Variants in CELF4 observed in about 807,000 individuals in gnomAD.
CELF4 encodes CUGBP Elav-like family member 4, also known as CUG-BP- and ETR-3-like factor 4.
In CELF4, 18 loss-of-function variants were observed where a neutral mutation model predicts 59.9. That is an observed-to-expected ratio of 0.30 (90% CI 0.21 to 0.45). The LOEUF is 0.45. Among genes scored for constraint, CELF4 ranks in the 20% least tolerant of loss-of-function variants. CELF4 has a pLI of 1.00. For missense variants in CELF4, 456 were observed against 689.0 expected, an observed-to-expected ratio of 0.66 and a Z score of 3.79; for synonymous variants, 261 against 267.1, an observed-to-expected ratio of 0.98 and a Z score of 0.22.
intron 2 of CELF4, among the ~76,000 whole-genome samples, chr18:37,393,878 T>G (rs1262935849): frequency 6.7e-6 from 1 of 148,158 alleles, no homozygotes; most frequent in Non-Finnish European, 1.5e-5. Flanking sequence ...TTTTTAATTT[T>G]AAGCAACACC....
At chr18:37,397,629 T>G (rs1022750545) in intron 2 of CELF4, among the ~76,000 whole-genome samples, 22 of 152,300 alleles carry the variant, frequency 1.4e-4, no homozygotes, top group African/African-American at 5.3e-4. Context: ...GCACAAGTCA[T>G]GCTGCCCAGA....
At chr18:37,274,756 T>C in intron 5 of CELF4, 49 bp downstream of exon 5, 1 of 1,513,986 alleles carries the variant, frequency 6.6e-7, no homozygotes, top group Non-Finnish European at 8.8e-7. Context: ...GGTGCTGGGG[T>C]CTCGGCCCGC....
In CELF4 at chr18:37,441,567, G is replaced by A. The variant is rs542003316; in HGVS notation, c.369+43958C>T. ...GAAAGAGTCAGGGTGGTTTGGCTGC[G>A]GCAGCCTAGTCCAGCCCCCATGGGG... On this transcript the variant is annotated intron_variant, in intron 2 of 12. Coordinates refer to ENST00000420428, the MANE Select transcript of CELF4 (RefSeq NM_020180.4). 7.9e-5 allele frequency among the ~76,000 whole-genome samples: 12 copies of A among 152,250 alleles called. No homozygotes were observed. The South Asian group carries it at 1.2e-3, about 16-fold the overall frequency.
At chr18:37,559,790 G>A (rs2099985986) in intron 1 of CELF4, among the ~76,000 whole-genome samples, 1 of 152,182 alleles carries the variant, frequency 6.6e-6, no homozygotes, top group Non-Finnish European at 1.5e-5. Context: ...TAATAATGAG[G>A]AGGAAGATGC....
Position 37,264,693 on chromosome 18 carries a change from G to C in CELF4, c.1230C>G (p.Ile410Met). The change falls in exon 10 of 13, where the codon ATC becomes ATG. Residue 410 changes from isoleucine to methionine, a missense_variant. Ile to Met is a conservative substitution (Grantham distance 10). Transcript: ENST00000420428. ...SQAFPQPPPMIPQQQREGPEG... is the reference protein window; with the variant it reads ...SQAFPQPPPMMPQQQREGPEG... ...ACTCACCTTCTCTCTGCTGCTGGGG[G>C]ATCATTGGAGGCGGCTGAGGAAAGG... The C allele has an allele frequency of 6.3e-7, 1 of 1,578,434 alleles. No homozygotes were observed. The highest frequency in any genetic ancestry group is 8.6e-7 in the Non-Finnish European group (1 of 1,161,258).
intron 3 of CELF4, 69 bp downstream of exon 3, chr18:37,321,734 T>TGCAGCAAG (rs1201799898): frequency 8.5e-7 from 1 of 1,173,450 alleles, no homozygotes; most frequent in African/African-American, 1.5e-5. Context: ...TGCATCGCCT[T>TGCAGCAAG]GCTGCGTCGG....
chr18:37,544,283 A>G (rs531163785), intron 1 of CELF4, among the ~76,000 whole-genome samples: 19 of 152,114 alleles, frequency 1.2e-4, no homozygotes, highest in Non-Finnish European at 1.9e-4. Flanking sequence ...GGCAGGGTGT[A>G]AATTCCCGTT....
At chr18:37,370,768 T>A (rs892885178) in intron 2 of CELF4, among the ~76,000 whole-genome samples, 1 of 152,226 alleles carries the variant, frequency 6.6e-6, no homozygotes, top group African/African-American at 2.4e-5. Flanking sequence ...ATGCTGGCTC[T>A]GTGACCAAAT....
intron 2 of CELF4, among the ~76,000 whole-genome samples, chr18:37,370,288 C>T (rs191139936): frequency 1.4e-4 from 21 of 152,272 alleles, no homozygotes; most frequent in Admixed American, 1.3e-3. Flanking sequence ...GGCCATTTCC[C>T]CAGGCTTACG....
intron 3 of CELF4, among the ~76,000 whole-genome samples, chr18:37,287,243 A>G (rs1787624): frequency 0.96 from 146,485 of 152,332 alleles, 70,486 homozygotes; most frequent in East Asian, 1. Flanking sequence ...GAAGGGATGC[A>G]ATGGGATTGG....
intron 3 of CELF4, among the ~76,000 whole-genome samples, chr18:37,282,569 C>T (rs1405723276): frequency 6.6e-6 from 1 of 152,190 alleles, no homozygotes; most frequent in African/African-American, 2.4e-5. Context: ...CTTGTAGAGC[C>T]ACCTCACTGC....
At chr18:37,471,247 T>C (rs2099827308) in intron 2 of CELF4, among the ~76,000 whole-genome samples, 1 of 152,166 alleles carries the variant, frequency 6.6e-6, no homozygotes, top group African/African-American at 2.4e-5. Context: ...CCTCAGCTCC[T>C]GTTCCTGATG....
intron 3 of CELF4, chr18:37,305,659 C>G (rs895800388): frequency 6.6e-6 from 1 of 152,262 alleles, no homozygotes; most frequent in South Asian, 2.1e-4. Flanking sequence ...AAGTGCACCA[C>G]CCACCAGCTG....
At position 37,547,939 on chromosome 18, in the gene CELF4, G is replaced by A. The variant is rs543100701; in HGVS notation, c.286+17417C>T. Among the ~76,000 whole-genome samples the A allele has an allele frequency of 5.9e-5, 9 of 152,216 alleles. No individual in the cohort carries two copies. The East Asian group carries it at 1.7e-3, about 29-fold the overall frequency. ...AATGTTTCTATATGTGTGTGTCTAT[G>A]AATGTGTTTGTGAATGTGTCTGCAT... On this transcript the variant is annotated intron_variant, in intron 1 of 12. Transcript: ENST00000420428.
At chr18:37,306,715 G>A (rs1321888024) in intron 3 of CELF4, among the ~76,000 whole-genome samples, 1 of 152,138 alleles carries the variant, frequency 6.6e-6, no homozygotes, top group East Asian at 1.9e-4. Flanking sequence ...GCCGTGGTGA[G>A]CGGTGAGCGG....
chr18:37,546,970 G>C (rs2099981604), intron 1 of CELF4, among the ~76,000 whole-genome samples: 2 of 152,158 alleles, frequency 1.3e-5, no homozygotes, highest in South Asian at 2.1e-4. Flanking sequence ...GCGAAAGAAG[G>C]CTGCCCCATC....
intron 1 of CELF4, among the ~76,000 whole-genome samples, chr18:37,521,930 CTT>C (rs992448958): frequency 6.6e-6 from 1 of 152,222 alleles, no homozygotes; most frequent in Non-Finnish European, 1.5e-5. Flanking sequence ...CTCAAAGGAA[CTT>C]TTGCTGTCTG....
At chr18:37,414,001 C>T (rs1036728605) in intron 2 of CELF4, among the ~76,000 whole-genome samples, 31 of 152,206 alleles carry the variant, frequency 2.0e-4, no homozygotes, top group African/African-American at 7.2e-4. Context: ...TCTCCACTCT[C>T]CAACCCAGTC....
In CELF4 at chr18:37,321,143, C is replaced by T. The variant is rs185298963; in HGVS notation, c.448+660G>A. On this transcript the variant is annotated intron_variant, in intron 3 of 12. Transcript: ENST00000420428. ...CCAAGAGGATGCTGTCACTTGGTGA[C>T]GGAGCTGCCCCTGGCTGGCCGTCTG... 5.0e-3 allele frequency among the ~76,000 whole-genome samples: 766 copies of T among 152,210 alleles called. 4 individuals are homozygous for T. The highest frequency in any genetic ancestry group is 0.01 in the Middle Eastern group (3 of 294).
Sources: gnomAD v4.1 joint callset for allele counts (sites outside exome capture counted in the v4.1 genomes callset) on GRCh38, gnomAD v4.1.1 for gene constraint, MANE v1.5 for transcripts, NCBI Gene and HGNC (gene_info 2026-07-23, HGNC 2026-07-21) for gene names.